ACOXL: variants seen among roughly 807,000 people sequenced by gnomAD.
ACOXL encodes the protein acyl-coenzyme A oxidase-like protein.
Under a neutral mutation model 71.9 loss-of-function variants are expected in ACOXL, and 70 were observed. That is an observed-to-expected ratio of 0.97 (90% CI 0.80 to 1.19). The LOEUF is 1.19. ACOXL is among the 50% of genes most tolerant of loss of function. The pLI is 0.00. For synonymous variants in ACOXL, 253 were observed against 281.6 expected (o/e 0.90, Z 1.02); for missense variants, 703 against 736.3 (o/e 0.95, Z 0.52).
At chr2:110,808,060 C>G (rs1399428454) in intron 9 of ACOXL, among the ~76,000 whole-genome samples, 1 of 152,014 alleles carries the variant, frequency 6.6e-6, no homozygotes, top group African/African-American at 2.4e-5. Flanking sequence ...TAATTTGTGT[C>G]AGAAATGCCA....
intron 10 of ACOXL, among the ~76,000 whole-genome samples, chr2:110,842,073 C>T (rs994931519): frequency 3.3e-5 from 5 of 152,154 alleles, no homozygotes; most frequent in East Asian, 3.8e-4. Context: ...TCATAGGCTT[C>T]GGGCTTGGGG....
intron 17 of ACOXL, among the ~76,000 whole-genome samples, chr2:111,111,605 A>C (rs905310751): frequency 6.6e-6 from 1 of 152,194 alleles, no homozygotes; most frequent in African/African-American, 2.4e-5. Flanking sequence ...TCTTCTTTTT[A>C]AACTTTTCCT....
chr2:110,794,125 G>A lies in ACOXL; in HGVS notation c.296G>A (p.Ser99Asn). ...GCAATGACCGAGAGGGGCCATGGGA[G>A]CAACGCGAGAGGGATCCAGACCGAA... is the stretch of plus-strand genomic sequence containing the variant. ...MFAMTERGHGSNARGIQTEAT... is the reference protein window; with the variant it reads ...MFAMTERGHGNNARGIQTEAT... Residue 99 changes from serine (S) to asparagine (N), a missense_variant, in exon 5 of 18, where the codon AGC (serine) becomes AAC (asparagine). Coordinates refer to ENST00000439055, the MANE Select transcript of ACOXL (RefSeq NM_001142807.4). The A allele has an allele frequency of 6.2e-7, 1 of 1,614,208 alleles. No homozygotes were observed. Among genetic ancestry groups the A allele is most frequent in the Non-Finnish European group, 8.5e-7 (1 of 1,180,036 alleles).
chr2:110,765,664 T>C (rs1170405738), intron 1 of ACOXL, among the ~76,000 whole-genome samples: 1 of 152,202 alleles, frequency 6.6e-6, no homozygotes, highest in African/African-American at 2.4e-5. Flanking sequence ...TTCTGGTTCA[T>C]AGATGGTGCC....
At chr2:110,761,866 A>T (rs940490071) in intron 1 of ACOXL, among the ~76,000 whole-genome samples, 7 of 152,206 alleles carry the variant, frequency 4.6e-5, no homozygotes, top group Admixed American at 4.6e-4. Context: ...TACCATATGG[A>T]GTTTCCCTAT....
intron 16 of ACOXL, among the ~76,000 whole-genome samples, chr2:111,089,918 T>G (rs991302374): frequency 6.6e-6 from 1 of 152,144 alleles, no homozygotes; most frequent in African/African-American, 2.4e-5. Context: ...GAATTAACCA[T>G]CCAGACTAGG....
At chr2:110,832,657 A>G (rs1199963864) in intron 9 of ACOXL, among the ~76,000 whole-genome samples, 1 of 152,200 alleles carries the variant, frequency 6.6e-6, no homozygotes, top group Admixed American at 6.5e-5. Flanking sequence ...AGACTGGGAG[A>G]AAATATTTAC....
At chr2:110,826,377 A>C (rs964975168) in intron 9 of ACOXL, among the ~76,000 whole-genome samples, 1 of 152,214 alleles carries the variant, frequency 6.6e-6, no homozygotes, top group Admixed American at 6.5e-5. Context: ...CTTAGGCAAG[A>C]TAGCATGTTC....
rs147329749 is a variant in ACOXL at position 110,995,966 on chromosome 2, G to T, written c.1243G>T (p.Val415Phe). ...LLKAVKFRER[V>F]LQRGLVARIY... ...GAAAGCAGTGAAATTTCGTGAAAGG[G>T]TTCTTCAGCGGGGTTTGGTGGCCAG... Residue 415 changes from valine (V) to phenylalanine (F), a missense_variant, in exon 14 of 18, where the codon GTT becomes TTT. By Grantham distance (50) the Val-to-Phe change is conservative. Transcript: ENST00000439055. The T allele has an allele frequency of 4.5e-4, 720 of 1,591,324 alleles. 10 individuals carry two copies. The highest frequency in any genetic ancestry group is 8.7e-5 in the Non-Finnish European group (103 of 1,179,204).
At chr2:110,898,710 A>G (rs562056449) in intron 10 of ACOXL, among the ~76,000 whole-genome samples, 1 of 152,318 alleles carries the variant, frequency 6.6e-6, no homozygotes, top group African/African-American at 2.4e-5. Flanking sequence ...TGCTACTGCT[A>G]TTCAGTGTAG....
rs1292086062 is a variant in ACOXL, at chr2:111,118,190, G to A, written c.*374G>A. On this transcript the variant is annotated 3_prime_UTR_variant, in exon 18 of 18. Coordinates refer to ENST00000439055, the MANE Select transcript of ACOXL (RefSeq NM_001142807.4). ...CTGTTAGCGGTGACTCACATTCCCA[G>A]TGATTTAGAAAAACTGTGGTGCCGA... 3 of 301,166 alleles carry A rather than the reference G, an allele frequency of 1.0e-5. No homozygotes were observed. The Admixed American group carries it at 1.5e-4, about 15-fold the overall frequency. 18.7% of individuals were successfully genotyped at this position (301,166 alleles called of 1,614,324 possible). A position where few individuals can be genotyped will look rare whatever the true frequency, so the allele number is the denominator to read the frequency against.
At chr2:110,953,276 T>C (rs1278356169) in intron 12 of ACOXL, among the ~76,000 whole-genome samples, 1 of 150,326 alleles carries the variant, frequency 6.7e-6, no homozygotes, top group Non-Finnish European at 1.5e-5. Flanking sequence ...CACTAGTGGC[T>C]TTTTTTTTAG....
chr2:110,987,362 C>G, intron 13 of ACOXL, 145 bp downstream of exon 13: 1 of 679,930 alleles, frequency 1.5e-6, no homozygotes. Flanking sequence ...AAAATGAATA[C>G]TCATACACTC....
At chr2:110,779,869 G>C (rs765387637) in intron 2 of ACOXL, among the ~76,000 whole-genome samples, 12 of 152,204 alleles carry the variant, frequency 7.9e-5, no homozygotes, top group Non-Finnish European at 2.9e-5. Context: ...GAATAATAGA[G>C]GAGAATGTCC....
At chr2:110,954,742 C>A (rs987777398) in intron 12 of ACOXL, among the ~76,000 whole-genome samples, 1 of 152,172 alleles carries the variant, frequency 6.6e-6, no homozygotes, top group Non-Finnish European at 1.5e-5. Context: ...TTACCAATTT[C>A]TTTGCTCACA....
At chr2:110,841,526 C>T (rs189227569) in intron 10 of ACOXL, 121 bp downstream of exon 10, 3 of 724,844 alleles carry the variant, frequency 4.1e-6, no homozygotes, top group East Asian at 2.7e-5. Flanking sequence ...ATGTCCGTGT[C>T]GCAGATGGAA....
intron 9 of ACOXL, among the ~76,000 whole-genome samples, chr2:110,809,838 A>C (rs995562542): frequency 6.6e-6 from 1 of 152,166 alleles, no homozygotes; most frequent in African/African-American, 2.4e-5. Context: ...CTCACCGCAC[A>C]TGGAGTGGTG....
chr2:110,768,492 T>TTG lies in ACOXL; in HGVS notation c.75+49_75+50dup, dbSNP rs57292148. The TTG allele has an allele frequency of 4.8e-3, 6,162 of 1,272,368 alleles. 5 individuals are homozygous for TTG. Among genetic ancestry groups the TTG allele is most frequent in the East Asian group, 0.014 (517 of 35,984 alleles). The allele number at this position is 1,272,368 out of a possible 1,614,324, so 78.8% of individuals were successfully genotyped here. On this transcript the variant is annotated intron_variant, in intron 2 of 17. Coordinates refer to ENST00000439055, the MANE Select transcript of ACOXL (RefSeq NM_001142807.4). The stretch of plus-strand genomic sequence containing the variant: ...AAGTGTCATTATTATTCTGGTATGG[T>TTG]TGTGTGTGTGTGTGTGTGTGTGAGA...
At chr2:110,845,237 G>A (rs114009162) in intron 10 of ACOXL, among the ~76,000 whole-genome samples, 43 of 152,308 alleles carry the variant, frequency 2.8e-4, no homozygotes, top group African/African-American at 1.0e-3. Flanking sequence ...CCATGGGCAG[G>A]GAGGAGTGCT....
Sources: allele counts gnomAD v4.1 joint callset (sites outside exome capture counted in the v4.1 genomes callset), GRCh38; gene constraint gnomAD v4.1.1; transcripts MANE v1.5; gene names NCBI Gene and HGNC (gene_info 2026-07-23, HGNC 2026-07-21).